CCDC63: variants seen among roughly 807,000 people sequenced by gnomAD.
CCDC63 encodes the protein coiled-coil domain-containing protein 63.
In CCDC63, 54 loss-of-function variants were observed where a neutral mutation model predicts 63.6. That is an observed-to-expected ratio of 0.85 (90% CI 0.68 to 1.07). The LOEUF (loss-of-function observed/expected upper bound fraction) is 1.07, where lower values mean the gene tolerates loss of function less well. Among genes scored for constraint, CCDC63 ranks in the 50% least tolerant of loss-of-function variants. CCDC63 has a pLI of 0.00. For missense variants in CCDC63, 637 were observed against 689.6 expected (o/e 0.92, Z 0.86); for synonymous variants, 253 against 266.1 (o/e 0.95, Z 0.48).
chr12:110,859,397 C>T (rs1398885524), intron 4 of CCDC63, among the ~76,000 whole-genome samples: 2 of 151,836 alleles, frequency 1.3e-5, no homozygotes, highest in Non-Finnish European at 2.9e-5. Context: ...ACCTCTGCTT[C>T]CTGGGTTCAA....
Position 110,901,238 on chromosome 12 carries a change from C to T in CCDC63, c.1342+2113C>T, listed in dbSNP as rs150648270. ...CGCACAACAATCACATCATGGAAAA[C>T]GGGGCGTCCATCCCCTCAAGCATTT... is the stretch of plus-strand genomic sequence containing the variant. On this transcript the variant is annotated intron_variant, in intron 10 of 11. Coordinates refer to ENST00000308208, the MANE Select transcript of CCDC63 (RefSeq NM_152591.3). 1.2e-3 allele frequency among the ~76,000 whole-genome samples: 175 copies of T among 152,164 alleles called. 2 individuals carry two copies. Among genetic ancestry groups the T allele is most frequent in the African/African-American group, 4.0e-3 (168 of 41,514 alleles).
chr12:110,852,850 C>T lies in CCDC63; in HGVS notation c.-96-9C>T, dbSNP rs1175358551. The T allele has an allele frequency of 1.9e-6, 3 of 1,584,050 alleles. No individual in the cohort carries two copies. The highest frequency in any genetic ancestry group is 2.6e-6 in the Non-Finnish European group (3 of 1,153,170). ...TTACAAGTTCTCTTCCTTTTGCCAC[C>T]ATGAACAGGGCATTGCAGAGAGACA... On this transcript the variant is annotated splice_polypyrimidine_tract_variant and intron_variant, in intron 1 of 11. Transcript: ENST00000308208.
intron 5 of CCDC63, among the ~76,000 whole-genome samples, chr12:110,875,829 C>T (rs533635820): frequency 4.8e-4 from 73 of 152,234 alleles, no homozygotes; most frequent in African/African-American, 1.3e-3. Context: ...CGGTGGCTCA[C>T]GCCTGTAATC....
intron 4 of CCDC63, among the ~76,000 whole-genome samples, chr12:110,870,776 C>A (rs190210804): frequency 4.0e-4 from 61 of 152,294 alleles, no homozygotes; most frequent in Non-Finnish European, 7.6e-4. Context: ...CCCTCCCTTG[C>A]CTCTTTTATT....
chr12:110,848,963 A>G (rs1040660327), intron 1 of CCDC63, among the ~76,000 whole-genome samples: 3 of 152,220 alleles, frequency 2.0e-5, no homozygotes, highest in Non-Finnish European at 4.4e-5. Context: ...TTAGTCAGGT[A>G]AATCCTCCTA....
chr12:110,868,749 G>A (rs1178181904), intron 4 of CCDC63, among the ~76,000 whole-genome samples: 15 of 104,982 alleles, frequency 1.4e-4, no homozygotes, highest in South Asian at 9.0e-4. Context: ...GGGAGAGGGG[G>A]AGGGGAAGGG....
intron 11 of CCDC63, 50 bp downstream of exon 11, chr12:110,904,841 T>G (rs2071538702): frequency 6.8e-7 from 1 of 1,460,492 alleles, no homozygotes. Flanking sequence ...AACCTGTGCC[T>G]TCAGGTCTGG....
intron 11 of CCDC63, among the ~76,000 whole-genome samples, chr12:110,906,357 G>A (rs1026936116): frequency 1.3e-5 from 2 of 149,032 alleles, no homozygotes; most frequent in African/African-American, 5.0e-5. Context: ...GAGGGGCGAT[G>A]AGAGAAAGGG....
chr12:110,888,163 A>G (rs1013249512), intron 8 of CCDC63, among the ~76,000 whole-genome samples: 4 of 151,964 alleles, frequency 2.6e-5, no homozygotes, highest in African/African-American at 7.2e-5. Context: ...TTGAGTTGCT[A>G]ACTGAGGTTC....
chr12:110,850,051 C>A (rs1466812072), intron 1 of CCDC63, among the ~76,000 whole-genome samples: 2 of 152,288 alleles, frequency 1.3e-5, no homozygotes, highest in South Asian at 4.1e-4. Flanking sequence ...ACAAATACAT[C>A]CCCACATTTC....
At position 110,899,132 on chromosome 12, in the gene CCDC63, C is replaced by G; in HGVS notation, c.1342+7C>G. ...AACCTTCCGCAGTATTTTGGTGAGT[C>G]AAGCTGGGGCCCGTTGGAGTCTTAG... is the stretch of plus-strand genomic sequence containing the variant. On this transcript the variant is annotated splice_region_variant and intron_variant, in intron 10 of 11. Transcript: ENST00000308208. The G allele has an allele frequency of 6.2e-7, 1 of 1,605,252 alleles. No homozygotes were observed. The highest frequency in any genetic ancestry group is 8.5e-7 in the Non-Finnish European group (1 of 1,175,458).
intron 4 of CCDC63, among the ~76,000 whole-genome samples, chr12:110,861,404 C>T (rs527258238): frequency 1.1e-4 from 16 of 152,346 alleles, no homozygotes; most frequent in Admixed American, 2.0e-4. Context: ...TCCTCCCCTG[C>T]CCCCACCTGC....
intron 5 of CCDC63, among the ~76,000 whole-genome samples, chr12:110,877,295 C>T (rs1299068238): frequency 6.6e-6 from 1 of 151,720 alleles, no homozygotes; most frequent in African/African-American, 2.4e-5. Flanking sequence ...TCACTACAAC[C>T]TTCACCTCCC....
chr12:110,887,510 A>G (rs528339294), intron 8 of CCDC63, among the ~76,000 whole-genome samples: 14 of 152,108 alleles, frequency 9.2e-5, no homozygotes, highest in Non-Finnish European at 1.9e-4. Flanking sequence ...CATAAAACAT[A>G]GGAAATGGAG....
intron 8 of CCDC63, 127 bp from the exon 9 acceptor site, chr12:110,892,949 G>A: frequency 1.4e-6 from 1 of 703,050 alleles, no homozygotes; most frequent in Non-Finnish European, 2.4e-6. Flanking sequence ...AGGGGCCCAG[G>A]TGTTTGGGGC....
At chr12:110,872,214 C>T (rs988703675) in intron 4 of CCDC63, among the ~76,000 whole-genome samples, 2 of 152,166 alleles carry the variant, frequency 1.3e-5, no homozygotes, top group Non-Finnish European at 2.9e-5. Flanking sequence ...CTTAGCTCTG[C>T]CTTTGTAGCT....
In CCDC63 at chr12:110,857,376, C is replaced by T. The variant is rs538332006; in HGVS notation, c.180-1210C>T. On this transcript the variant is annotated intron_variant, in intron 3 of 11. Transcript: ENST00000308208. Reference sequence around the variant, plus strand: ...TCCTGACCTCATGATCCACTGGCCTCGGCCTCCTAAAGTGCTGGGATTACA... The same window carrying T: ...TCCTGACCTCATGATCCACTGGCCTTGGCCTCCTAAAGTGCTGGGATTACA... Among the ~76,000 whole-genome samples, 21 of 152,080 alleles carry T rather than the reference C, an allele frequency of 1.4e-4. No homozygotes were observed. The South Asian group carries it at 4.0e-3, about 29-fold the overall frequency.
intron 4 of CCDC63, among the ~76,000 whole-genome samples, chr12:110,867,606 C>T (rs1337047125): frequency 2.3e-4 from 27 of 115,832 alleles, no homozygotes; most frequent in African/African-American, 5.5e-4. Context: ...CCAGACGGGG[C>T]GGCTGGCCGG....
chr12:110,853,779 G>T (rs181908922), intron 3 of CCDC63, among the ~76,000 whole-genome samples: 1 of 152,262 alleles, frequency 6.6e-6, no homozygotes, highest in Non-Finnish European at 1.5e-5. Flanking sequence ...GGAATTTCTT[G>T]TCAGAATGCA....
Sources: gnomAD v4.1 joint callset for allele counts (sites outside exome capture counted in the v4.1 genomes callset) on GRCh38, gnomAD v4.1.1 for gene constraint, MANE v1.5 for transcripts, NCBI Gene and HGNC (gene_info 2026-07-23, HGNC 2026-07-21) for gene names.